SCAPER: variants seen among roughly 807,000 people sequenced by gnomAD.
SCAPER encodes the protein S-phase cyclin A associated protein in the ER.
In SCAPER, 98 loss-of-function variants were observed where a neutral mutation model predicts 182.2. The ratio of observed to expected loss-of-function variants is 0.54; its 90% CI spans 0.46 to 0.64. The LOEUF (loss-of-function observed/expected upper bound fraction) is 0.64. SCAPER is among the 30% of genes least tolerant of loss of function. SCAPER has a pLI of 0.00. For missense variants in SCAPER, 1,432 were observed against 1,690.0 expected (o/e 0.85, Z 2.68); for synonymous variants, 605 against 564.6 (o/e 1.07, Z -1.01).
At chr15:76,494,408 A>C (rs1237423607) in intron 24 of SCAPER, among the ~76,000 whole-genome samples, 1 of 152,172 alleles carries the variant, frequency 6.6e-6, no homozygotes, top group Non-Finnish European at 1.5e-5. Context: ...GGTGGGAAAA[A>C]TGATTCCACA....
chr15:76,698,495 T>C (rs979834431), intron 20 of SCAPER, among the ~76,000 whole-genome samples: 25 of 152,148 alleles, frequency 1.6e-4, no homozygotes, highest in African/African-American at 4.8e-5. Context: ...AAAGCCAACA[T>C]AGACAGGACT....
intron 22 of SCAPER, among the ~76,000 whole-genome samples, chr15:76,609,909 C>T (rs1401503394): frequency 1.3e-5 from 2 of 152,042 alleles, no homozygotes; most frequent in African/African-American, 4.8e-5. Flanking sequence ...AAGAGCATGG[C>T]TAATGAGCAT....
chr15:76,675,136 G>A (rs1168498134), intron 20 of SCAPER, among the ~76,000 whole-genome samples: 1 of 152,166 alleles, frequency 6.6e-6, no homozygotes, highest in Non-Finnish European at 1.5e-5. Context: ...ATACTATTCT[G>A]TCAACTATTA....
Position 76,353,998 on chromosome 15 carries a change from A to T in SCAPER, c.3998T>A (p.Ile1333Asn), listed in dbSNP as rs1566978054. The T allele has an allele frequency of 6.2e-7, 1 of 1,604,526 alleles. No individual in the cohort carries two copies. The highest frequency in any genetic ancestry group is 8.5e-7 in the Non-Finnish European group (1 of 1,177,154). The change falls in exon 30 of 32, where the codon ATC becomes AAC. Residue 1333 changes from isoleucine (I) to asparagine (N), a missense_variant. By Grantham distance (149) the Ile-to-Asn change is moderately radical (BLOSUM62 -3). This residue lies in a region of SCAPER where 718 missense variants were observed against 799.7 expected (regional missense o/e 0.90). Transcript: ENST00000563290. ...ACAGCTCATCTCTTGCTCCAGAATG[A>T]TCTTGTTCTGATGGTTGTTGTAACA... ...AACYNNHQNK[I>N]ILEQEMSCVL...
chr15:76,774,763 T>C, intron 9 of SCAPER, 92 bp downstream of exon 9: 2 of 1,372,648 alleles, frequency 1.5e-6, no homozygotes, highest in Non-Finnish European at 1.9e-6. Flanking sequence ...CACAGTAAGT[T>C]AAAAAATGAA....
chr15:76,552,169 G>C (rs1248927487), intron 23 of SCAPER, among the ~76,000 whole-genome samples: 3 of 152,080 alleles, frequency 2.0e-5, no homozygotes, highest in Non-Finnish European at 4.4e-5. Flanking sequence ...TGTAGTCCCA[G>C]CTATTAGGTG....
intron 2 of SCAPER, among the ~76,000 whole-genome samples, chr15:76,867,848 G>C (rs1309804889): frequency 6.6e-6 from 1 of 152,148 alleles, no homozygotes; most frequent in Admixed American, 6.5e-5. Context: ...CTTTCTTGCA[G>C]ACAGATGGCC....
At chr15:76,641,005 G>A (rs866297988) in intron 21 of SCAPER, among the ~76,000 whole-genome samples, 6 of 152,118 alleles carry the variant, frequency 3.9e-5, no homozygotes, top group East Asian at 3.9e-4. Flanking sequence ...CATGAGGGGC[G>A]CCTGTCCATA....
At chr15:76,454,484 T>C (rs933714777) in intron 25 of SCAPER, among the ~76,000 whole-genome samples, 2 of 152,222 alleles carry the variant, frequency 1.3e-5, no homozygotes, top group African/African-American at 4.8e-5. Context: ...GTAACCATTA[T>C]CATGATTTTG....
intron 5 of SCAPER, among the ~76,000 whole-genome samples, chr15:76,818,921 G>A (rs368453979): frequency 2.6e-5 from 4 of 152,216 alleles, no homozygotes; most frequent in East Asian, 1.9e-4. Context: ...CTTAACAAAC[G>A]GCACACCAGG....
chr15:76,902,615 T>A (rs1392796195), intron 1 of SCAPER, among the ~76,000 whole-genome samples: 1 of 152,244 alleles, frequency 6.6e-6, no homozygotes, highest in Non-Finnish European at 1.5e-5. Context: ...AATTCCACAA[T>A]GGATATCAGA....
chr15:76,805,878 A>G (rs1319505241), intron 5 of SCAPER, among the ~76,000 whole-genome samples: 1 of 152,060 alleles, frequency 6.6e-6, no homozygotes, highest in Non-Finnish European at 1.5e-5. Context: ...ACATTTGTAT[A>G]TCTTAAAAGA....
intron 8 of SCAPER, among the ~76,000 whole-genome samples, chr15:76,794,195 T>C (rs1222772630): frequency 6.6e-6 from 1 of 152,236 alleles, no homozygotes; most frequent in African/African-American, 2.4e-5. Context: ...TTACCATAAG[T>C]ATAGATATAA....
At chr15:76,577,369 T>C (rs1415024215) in intron 22 of SCAPER, among the ~76,000 whole-genome samples, 4 of 151,848 alleles carry the variant, frequency 2.6e-5, no homozygotes, top group Admixed American at 6.6e-5. Context: ...ATCAATTGAG[T>C]CTCAAAGATC....
At chr15:76,841,434 G>A (rs1411699079) in intron 5 of SCAPER, among the ~76,000 whole-genome samples, 2 of 152,098 alleles carry the variant, frequency 1.3e-5, no homozygotes, top group Non-Finnish European at 2.9e-5. Context: ...ATCACTTAAG[G>A]TCAGGAGTTC....
chr15:76,606,062 G>C (rs2050364415), intron 22 of SCAPER, among the ~76,000 whole-genome samples: 1 of 152,114 alleles, frequency 6.6e-6, no homozygotes, highest in Admixed American at 6.5e-5. Flanking sequence ...CCTTCTGCTA[G>C]CTTTTGAATG....
rs536596824 is a variant in SCAPER at position 76,717,167 on chromosome 15, G to A, written c.2166-11183C>T. Among the ~76,000 whole-genome samples, 31 of 150,142 alleles carry A rather than the reference G, an allele frequency of 2.1e-4. 1 individual carries two copies. The highest frequency in any genetic ancestry group is 6.3e-4 in the South Asian group (3 of 4,764). Reference sequence around the variant, plus strand: ...GAAAAAAAAAAAAAAAAAACCTGCCGGCTAAGAATACTATACCAAGGAAAA... The same window carrying A: ...GAAAAAAAAAAAAAAAAAACCTGCCAGCTAAGAATACTATACCAAGGAAAA... On this transcript the variant is annotated intron_variant, in intron 17 of 31. Coordinates refer to ENST00000563290, the MANE Select transcript of SCAPER (RefSeq NM_020843.4).
chr15:76,544,050 T>C (rs916027248), intron 23 of SCAPER, among the ~76,000 whole-genome samples: 6 of 152,068 alleles, frequency 3.9e-5, no homozygotes, highest in African/African-American at 1.2e-4. Context: ...CAAAAGAAGA[T>C]ACATAAATGG....
chr15:76,812,483 G>GAAAAAAA (rs59087455), intron 5 of SCAPER, among the ~76,000 whole-genome samples: 5 of 101,746 alleles, frequency 4.9e-5, no homozygotes, highest in African/African-American at 7.4e-5. Flanking sequence ...GTGAGACTCT[G>GAAAAAAA]AAAAAAAAAA....
Sources: allele counts gnomAD v4.1 joint callset (sites outside exome capture counted in the v4.1 genomes callset), GRCh38; gene constraint gnomAD v4.1.1; regional missense constraint gnomAD v4.1.1; transcripts MANE v1.5; gene names NCBI Gene and HGNC (gene_info 2026-07-23, HGNC 2026-07-21).